The following IGSF9 variants were observed in gnomAD, a reference collection of about 807,000 sequenced individuals.
IGSF9 encodes the protein protein turtle homolog A.
A neutral mutation model predicts 121.7 loss-of-function variants in IGSF9; 87 were observed. The ratio of observed to expected loss-of-function variants is 0.71; its 90% CI spans 0.60 to 0.85. IGSF9 has a LOEUF of 0.85. Ranked by LOEUF, IGSF9 falls within the 40% of genes least tolerant of loss-of-function variation. IGSF9 has a pLI of 0.00. For synonymous variants in IGSF9, 640 were observed against 648.4 expected (o/e 0.99, Z 0.20); for missense variants, 1,462 against 1,565.3 (o/e 0.93, Z 1.11).
Position 159,932,257 on chromosome 1 carries a change from G to C in IGSF9, c.1245+255C>G. ...CAGAGAGGGAGGCAGCACGGTCAAGGTTAGTGAGAGTTGGGGCAAACAGGA... is the reference window on the plus strand; with the variant it reads ...CAGAGAGGGAGGCAGCACGGTCAAGCTTAGTGAGAGTTGGGGCAAACAGGA... On this transcript the variant is annotated intron_variant, in intron 10 of 20. Transcript: ENST00000368094. The surrounding 1 kb of genome is among the most constrained non-coding windows in gnomAD (Gnocchi z 4.1). 1.7e-6 allele frequency: 1 copy of C among 584,756 alleles called. No homozygotes were observed. The highest frequency in any genetic ancestry group is 2.9e-5 in the East Asian group (1 of 34,702). 36.2% of individuals were successfully genotyped at this position (584,756 alleles called of 1,614,324 possible). A position where few individuals can be genotyped will look rare whatever the true frequency, so the allele number is the denominator to read the frequency against.
intron 17 of IGSF9, 83 bp downstream of exon 17, chr1:159,929,555 G>T (rs1346394748): frequency 1.3e-6 from 2 of 1,498,166 alleles, no homozygotes; most frequent in East Asian, 2.3e-5. Flanking sequence ...ACACAGGAGC[G>T]AGGGCTTTTC....
Position 159,929,677 on chromosome 1 carries a change from G to C in IGSF9, c.2287C>G (p.Arg763Gly), listed in dbSNP as rs1161504637. 3.1e-6 allele frequency: 5 copies of C among 1,595,712 alleles called. No homozygotes were observed. Among genetic ancestry groups the C allele is most frequent in the Non-Finnish European group, 4.3e-6 (5 of 1,172,954 alleles). Residue 763 changes from arginine (R) to glycine (G), a missense_variant, in exon 17 of 21, where the codon CGC (arginine) becomes GGC (glycine). By Grantham distance (125) the Arg-to-Gly change is moderately radical. Coordinates refer to ENST00000368094, the MANE Select transcript of IGSF9 (RefSeq NM_001135050.2). Reference protein sequence around the residue: ...SILAGCLLNRRRAARRRRKRL... With the variant: ...SILAGCLLNRGRAARRRRKRL... ...TTGCGGCGGCGGCGGGCAGCCCTGC[G>C]CCGGTTCAGGAGGCAGCCGGCCAGG...
intron 7 of IGSF9, 51 bp downstream of exon 7, chr1:159,934,630 A>C: frequency 6.2e-7 from 1 of 1,613,738 alleles, no homozygotes; most frequent in Non-Finnish European, 8.5e-7. Context: ...GGCTCTTCAG[A>C]GACTGTTTGT....
In IGSF9 at chr1:159,934,588, T is replaced by C. The variant is rs1412457603; in HGVS notation, c.816-18A>G. 2 of 1,613,320 alleles carry C rather than the reference T, an allele frequency of 1.2e-6. No individual in the cohort carries two copies. Among genetic ancestry groups the C allele is most frequent in the Non-Finnish European group, 1.7e-6 (2 of 1,179,576 alleles). On this transcript the variant is annotated intron_variant, in intron 7 of 20. Coordinates refer to ENST00000368094, the MANE Select transcript of IGSF9 (RefSeq NM_001135050.2). The stretch of plus-strand genomic sequence containing the variant: ...GCAGGCGGCTGCAATGTGGCATGTG[T>C]GAGGAGGGGTCCAGGCCTTGCCCAG...
chr1:159,934,722 G>C lies in IGSF9; in HGVS notation c.774C>G (p.Thr258=). 6.2e-7 allele frequency: 1 copy of C among 1,614,222 alleles called. No homozygotes were observed. The highest frequency in any genetic ancestry group is 8.5e-7 in the Non-Finnish European group (1 of 1,180,032). Reference sequence around the variant, plus strand: ...TGATGTTGTCCTGGAACCAGCTGTAGGTGAGGTTAGCAGGGTATGCCTCAG... The same window carrying C: ...TGATGTTGTCCTGGAACCAGCTGTACGTGAGGTTAGCAGGGTATGCCTCAG... The part of the protein sequence containing the change: ...CHAEAYPANL[T]YSWFQDNINV... Residue 258 remains threonine (T), a synonymous_variant, in exon 7 of 21, where the codon ACC becomes ACG. Coordinates refer to ENST00000368094, the MANE Select transcript of IGSF9 (RefSeq NM_001135050.2).
rs3747617 is a variant in IGSF9, at chr1:159,943,109, C to T, written c.101G>A (p.Gly34Glu). 0.058 allele frequency: 92,872 copies of T among 1,601,430 alleles called. 2,916 individuals carry two copies. The highest frequency in any genetic ancestry group is 0.1 in the East Asian group (4,633 of 44,566). Reference protein sequence around the residue: ...PEVVSVVGRAGESVVLGCDLL... With the variant: ...PEVVSVVGRAEESVVLGCDLL... Reference sequence around the variant, plus strand: ...GTCACAGCCCAGCACCACACTCTCCCCAGCCCGGCCCACCACCGATACCAC... The same window carrying T: ...GTCACAGCCCAGCACCACACTCTCCTCAGCCCGGCCCACCACCGATACCAC... The change falls in exon 3 of 21, where the codon GGG becomes GAG. Residue 34 changes from glycine to glutamate, a missense_variant. Gly to Glu is a moderately conservative substitution (Grantham distance 98). Around this residue, in one of 3 missense-constraint regions of IGSF9, gnomAD observed 558 missense variants for 599.4 expected, o/e 0.93. Coordinates refer to ENST00000368094, the MANE Select transcript of IGSF9 (RefSeq NM_001135050.2).
intron 3 of IGSF9, among the ~76,000 whole-genome samples, chr1:159,941,831 G>A (rs529725015): frequency 1.9e-4 from 29 of 152,264 alleles, no homozygotes; most frequent in Middle Eastern, 3.4e-3. Context: ...ATTGGGGCCC[G>A]CTTTCATCCA....
At position 159,943,130 on chromosome 1, in the gene IGSF9, A is replaced by G. The variant is rs529561372; in HGVS notation, c.80T>C (p.Val27Ala). 1.7e-4 allele frequency: 276 copies of G among 1,598,078 alleles called. No homozygotes were observed. In the South Asian group the frequency reaches 2.8e-3, roughly 16 times the overall value. Residue 27 changes from valine (V) to alanine (A), a missense_variant, in exon 3 of 21, where the codon GTA (valine) becomes GCA (alanine). Transcript: ENST00000368094. ...CTCCCCAGCCCGGCCCACCACCGAT[A>G]CCACCTCAGGCTTCCCTCGACCTGC... is the stretch of plus-strand genomic sequence containing the variant. ...GADGRGKPEV[V>A]SVVGRAGESV...
chr1:159,927,175 G>A lies in IGSF9; in HGVS notation c.*170C>T, dbSNP rs1184774886. The A allele has an allele frequency of 1.4e-6, 1 of 703,464 alleles. No homozygotes were observed. The highest frequency in any genetic ancestry group is 2.5e-6 in the Non-Finnish European group (1 of 405,888). The allele number at this position is 703,464 out of a possible 1,614,324, so 43.6% of individuals were successfully genotyped here. A position where few individuals can be genotyped will look rare whatever the true frequency, so the allele number is the denominator to read the frequency against. On this transcript the variant is annotated 3_prime_UTR_variant, in exon 21 of 21. Coordinates refer to ENST00000368094, the MANE Select transcript of IGSF9 (RefSeq NM_001135050.2). The stretch of plus-strand genomic sequence containing the variant: ...TTCCAATCCCCAGACTCACCTAGGG[G>A]GTCAGCACATACATTCCATACCAAG...
Position 159,931,044 on chromosome 1 carries a change from G to A in IGSF9, c.1637+94C>T, listed in dbSNP as rs1650977677. 4 of 1,564,364 alleles carry A rather than the reference G, an allele frequency of 2.6e-6. No individual in the cohort carries two copies. The South Asian group carries it at 4.6e-5, about 18-fold the overall frequency. On this transcript the variant is annotated intron_variant, in intron 13 of 20. Coordinates refer to ENST00000368094, the MANE Select transcript of IGSF9 (RefSeq NM_001135050.2). This position sits in a 1 kb window ranked among gnomAD's most constrained non-coding sequence, Gnocchi z 4.8. Reference sequence around the variant, plus strand: ...GAGCCAGGACTGGTGAGGGATAGAGGGACAGAAGAAAGGGCAGAAGGCCAG... The same window carrying A: ...GAGCCAGGACTGGTGAGGGATAGAGAGACAGAAGAAAGGGCAGAAGGCCAG...
Position 159,943,471 on chromosome 1 carries a change from TCA to T in IGSF9, c.-19_-18del, listed in dbSNP as rs1348477605. ...CCACACCATAGCCCAGCTGGCCTGC[TCA>T]CCCAGCCCCTCCTATCCACAGGAGC... On this transcript the variant is annotated 5_prime_UTR_variant, in exon 2 of 21. Transcript: ENST00000368094. 2 of 1,547,208 alleles carry T rather than the reference TCA, an allele frequency of 1.3e-6. No individual in the cohort carries two copies. Among genetic ancestry groups the T allele is most frequent in the Non-Finnish European group, 1.7e-6 (2 of 1,146,636 alleles).
chr1:159,928,212 G>GC lies in IGSF9; in HGVS notation c.3175dup (p.Ala1059GlyfsTer5), dbSNP rs1243317406. 48 of 1,612,522 alleles carry GC rather than the reference G, an allele frequency of 3.0e-5. No homozygotes were observed. The highest frequency in any genetic ancestry group is 3.7e-5 in the Non-Finnish European group (44 of 1,179,914). On this transcript the variant is annotated frameshift_variant, in exon 19 of 21. Transcript: ENST00000368094. LOFTEE classifies it high-confidence loss of function. ...TCGGGGCCATCTCTCAGGGCCACTG[G>GC]CCCAGCTGCTGGTGTCTCCTGGAGC...
chr1:159,937,655 C>T, intron 4 of IGSF9, 31 bp downstream of exon 4: 1 of 1,602,424 alleles, frequency 6.2e-7, no homozygotes, highest in Non-Finnish European at 8.5e-7. Context: ...CCTCCCCGTC[C>T]TTCTCCACCA....
intron 6 of IGSF9, among the ~76,000 whole-genome samples, chr1:159,935,760 C>T (rs1447697559): frequency 6.6e-6 from 1 of 152,232 alleles, no homozygotes; most frequent in Admixed American, 6.5e-5. Flanking sequence ...GAAGTGAAGG[C>T]TCAGAGGCAG....
At chr1:159,945,037 C>T (rs1265404758) in intron 1 of IGSF9, among the ~76,000 whole-genome samples, 1 of 152,028 alleles carries the variant, frequency 6.6e-6, no homozygotes, top group Non-Finnish European at 1.5e-5. Flanking sequence ...TATTTCCTCA[C>T]CCTTCTAGTC....
chr1:159,943,301 C>G (rs539943539), intron 2 of IGSF9, 96 bp downstream of exon 2: 7 of 1,371,148 alleles, frequency 5.1e-6, no homozygotes, highest in East Asian at 2.6e-5. Flanking sequence ...CTATTCCTCC[C>G]CTGCCCTCAC....
Position 159,936,896 on chromosome 1 carries a change from A to C in IGSF9, c.413T>G (p.Phe138Cys), listed in dbSNP as rs1436705549. The C allele has an allele frequency of 1.2e-6, 2 of 1,614,026 alleles. No individual in the cohort carries two copies. The highest frequency in any genetic ancestry group is 1.7e-6 in the Non-Finnish European group (2 of 1,179,998). Residue 138 changes from phenylalanine to cysteine, a missense_variant, in exon 5 of 21, where the codon TTC (phenylalanine) becomes TGC (cysteine). Transcript: ENST00000368094. ...VHLTVNSPPQ[F>C]QETPPAVLEV... is the part of the protein sequence containing the mutation. ...CAACACAGCAGGAGGTGTCTCCTGG[A>C]ATTGAGGGGGTGCTGCAAGGGAGAC...
At chr1:159,945,334 C>A (rs1282873651) in intron 1 of IGSF9, among the ~76,000 whole-genome samples, 1 of 151,872 alleles carries the variant, frequency 6.6e-6, no homozygotes, top group Non-Finnish European at 1.5e-5. Context: ...TCCCCTGGAA[C>A]TCCTCCTTTC....
chr1:159,929,657 G>A lies in IGSF9; in HGVS notation c.2307C>T (p.Arg769=), dbSNP rs763526495. The A allele has an allele frequency of 2.5e-6, 4 of 1,593,304 alleles. No individual in the cohort carries two copies. The highest frequency in any genetic ancestry group is 2.3e-5 in the South Asian group (2 of 87,920). The change falls in exon 17 of 21, where the codon CGC becomes CGT. Residue 769 remains arginine (R), a synonymous_variant. Coordinates refer to ENST00000368094, the MANE Select transcript of IGSF9 (RefSeq NM_001135050.2). The part of the protein sequence containing the change: ...LLNRRRAARR[R]RKRLRQDPPL... Reference sequence around the variant, plus strand: ...ACTTACCTTGGCGGAGGCGCTTGCGGCGGCGGCGGGCAGCCCTGCGCCGGT... The same window carrying A: ...ACTTACCTTGGCGGAGGCGCTTGCGACGGCGGCGGGCAGCCCTGCGCCGGT...
Sources: allele counts gnomAD v4.1 joint callset (sites outside exome capture counted in the v4.1 genomes callset), GRCh38; gene constraint gnomAD v4.1.1; regional missense constraint gnomAD v4.1.1; non-coding constraint Gnocchi (gnomAD v3.1); transcripts MANE v1.5; gene names NCBI Gene and HGNC (gene_info 2026-07-23, HGNC 2026-07-21).